The following SLC24A2 variants were observed in gnomAD, a reference collection of about 807,000 sequenced individuals.
SLC24A2 encodes the protein solute carrier family 24 member 2, also known as sodium/potassium/calcium exchanger 2.
Under a neutral mutation model 62.0 loss-of-function variants are expected in SLC24A2, and 36 were observed. The ratio of observed to expected loss-of-function variants is 0.58; its 90% CI spans 0.44 to 0.77. SLC24A2 has a LOEUF of 0.77. Among genes scored for constraint, SLC24A2 ranks in the 30% least tolerant of loss-of-function variants. SLC24A2 has a pLI of 0.00. For synonymous variants in SLC24A2, 358 were observed against 294.0 expected, an observed-to-expected ratio of 1.22 and a Z score of -2.23; for missense variants, 846 against 817.9, an observed-to-expected ratio of 1.03 and a Z score of -0.42.
chr9:19,957,569 CA>C, the SLC24A2 span: 1 of 152,886 alleles, frequency 6.5e-6, no homozygotes, highest in Non-Finnish European at 1.5e-5. Context: ...GCCCAGGTGA[CA>C]AAGCCTCCTG....
the SLC24A2 span, among the ~76,000 whole-genome samples, chr9:20,135,999 C>A: frequency 2.0e-5 from 3 of 152,112 alleles, no homozygotes; most frequent in Non-Finnish European, 4.4e-5. Context: ...GTGCCAGATA[C>A]TAGGCTGGTG....
At chr9:20,104,498 C>G in the SLC24A2 span, among the ~76,000 whole-genome samples, 1 of 152,216 alleles carries the variant, frequency 6.6e-6, no homozygotes, top group South Asian at 2.1e-4. Context: ...AACAGTGGAT[C>G]TCTCAGCAGA....
chr9:20,273,519 T>C, the SLC24A2 span, among the ~76,000 whole-genome samples: 3 of 152,154 alleles, frequency 2.0e-5, no homozygotes, highest in Admixed American at 6.5e-5. Flanking sequence ...GCTGTTCTCA[T>C]GATAGTGAAT....
chr9:19,677,202 G>A (rs118116106), intron 2 of SLC24A2, among the ~76,000 whole-genome samples: 1 of 152,308 alleles, frequency 6.6e-6, no homozygotes, highest in East Asian at 1.9e-4. Context: ...ATGGTAGACT[G>A]GATAAAGAAA....
chr9:19,546,884 G>T (rs1027220106), intron 8 of SLC24A2, among the ~76,000 whole-genome samples: 1 of 152,224 alleles, frequency 6.6e-6, no homozygotes, highest in Non-Finnish European at 1.5e-5. Flanking sequence ...GTCTGGGCCA[G>T]AGTGCACTGT....
intron 5 of SLC24A2, among the ~76,000 whole-genome samples, chr9:19,579,594 T>C (rs1440231596): frequency 6.6e-6 from 1 of 152,286 alleles, no homozygotes. Context: ...GAAATATAGA[T>C]GATCAATATT....
At chr9:19,633,873 T>A (rs1246272660) in intron 2 of SLC24A2, among the ~76,000 whole-genome samples, 4 of 152,240 alleles carry the variant, frequency 2.6e-5, no homozygotes, top group Non-Finnish European at 5.9e-5. Flanking sequence ...TGCAAATATT[T>A]TCCCCCTGTC....
the SLC24A2 span, among the ~76,000 whole-genome samples, chr9:19,857,139 G>C: frequency 2.6e-5 from 4 of 152,198 alleles, no homozygotes; most frequent in Non-Finnish European, 4.4e-5. Context: ...GCTGTCAGGA[G>C]AGAATCTATT....
the SLC24A2 span, among the ~76,000 whole-genome samples, chr9:19,941,556 A>AGTGTGTGT: frequency 7.8e-3 from 1,047 of 134,084 alleles, 11 homozygotes; most frequent in Middle Eastern, 0.031. Flanking sequence ...GAGGACTGGG[A>AGTGTGTGT]GTGTGTGTGT....
chr9:20,158,338 T>C, the SLC24A2 span, among the ~76,000 whole-genome samples: 12 of 151,686 alleles, frequency 7.9e-5, no homozygotes, highest in African/African-American at 2.2e-4. Flanking sequence ...TCCAAGTTTA[T>C]GGGATTAAGA....
intron 2 of SLC24A2, 57 bp downstream of exon 2, chr9:19,785,880 T>C: frequency 1.2e-6 from 2 of 1,611,712 alleles, no homozygotes; most frequent in Admixed American, 3.3e-5. Context: ...CTCAAAAACA[T>C]AATAATTCAG....
the SLC24A2 span, among the ~76,000 whole-genome samples, chr9:20,005,044 G>T: frequency 9.9e-5 from 15 of 152,246 alleles, no homozygotes; most frequent in South Asian, 2.7e-3. Context: ...GTTACTGGTT[G>T]TCAGCGAAAT....
At chr9:20,038,917 C>T in the SLC24A2 span, among the ~76,000 whole-genome samples, 38 of 152,140 alleles carry the variant, frequency 2.5e-4, no homozygotes, top group African/African-American at 7.7e-4. Context: ...TTTTAAGTTT[C>T]GTAAAATTTT....
the SLC24A2 span, among the ~76,000 whole-genome samples, chr9:19,820,927 C>T: frequency 1.3e-5 from 2 of 152,042 alleles, no homozygotes; most frequent in African/African-American, 4.8e-5. Context: ...TAGACCCCAG[C>T]ATCATATTTG....
At chr9:20,199,644 A>T in the SLC24A2 span, among the ~76,000 whole-genome samples, 9 of 152,188 alleles carry the variant, frequency 5.9e-5, no homozygotes, top group African/African-American at 1.9e-4. Context: ...TAGGTTTTTT[A>T]AAATAATGTT....
the SLC24A2 span, among the ~76,000 whole-genome samples, chr9:19,883,192 C>G: frequency 5.3e-5 from 8 of 152,272 alleles, no homozygotes; most frequent in African/African-American, 1.9e-4. Flanking sequence ...ATGTTTGCAC[C>G]AGGCAAATGT....
intron 2 of SLC24A2, among the ~76,000 whole-genome samples, chr9:19,698,323 G>A (rs1359397368): frequency 6.6e-6 from 1 of 152,108 alleles, no homozygotes; most frequent in Non-Finnish European, 1.5e-5. Context: ...ATGTGTATAT[G>A]AAACATAAAT....
chr9:19,608,688 G>T (rs1193641123), intron 4 of SLC24A2, among the ~76,000 whole-genome samples: 2 of 152,036 alleles, frequency 1.3e-5, no homozygotes, highest in Non-Finnish European at 2.9e-5. Context: ...CACAGAGTGG[G>T]TACTACAAAA....
At chr9:20,007,492 A>T in the SLC24A2 span, among the ~76,000 whole-genome samples, 3 of 152,182 alleles carry the variant, frequency 2.0e-5, no homozygotes, top group African/African-American at 7.2e-5. Flanking sequence ...ACCTTTATAT[A>T]AATGGTGTAT....
Sources: gnomAD v4.1 joint callset for allele counts (sites outside exome capture counted in the v4.1 genomes callset) on GRCh38, gnomAD v4.1.1 for gene constraint, MANE v1.5 for transcripts, NCBI Gene and HGNC (gene_info 2026-07-23, HGNC 2026-07-21) for gene names.